Variants in GLIS3 observed in about 807,000 individuals in gnomAD.
GLIS3 encodes GLIS family zinc finger 3, also known as zinc finger protein GLIS3.
In GLIS3, 53 loss-of-function variants were observed where a neutral mutation model predicts 78.6. The observed-to-expected ratio is 0.67, with a 90% confidence interval of 0.54 to 0.85. The LOEUF (loss-of-function observed/expected upper bound fraction) is 0.85. GLIS3 is among the 40% of genes least tolerant of loss of function. GLIS3 has a pLI of 0.00. For synonymous variants in GLIS3, 684 were observed against 509.9 expected, an observed-to-expected ratio of 1.34 and a Z score of -4.60; for missense variants, 1,703 against 1,231.1, an observed-to-expected ratio of 1.38 and a Z score of -5.74.
chr9:4,039,684 T>C (rs1272281175), intron 4 of GLIS3, among the ~76,000 whole-genome samples: 1 of 152,190 alleles, frequency 6.6e-6, no homozygotes, highest in African/African-American at 2.4e-5. Flanking sequence ...CAGTGCTCTT[T>C]CCCACTGTAT....
chr9:4,489,872 C>G, the GLIS3 span, among the ~76,000 whole-genome samples: 1 of 152,200 alleles, frequency 6.6e-6, no homozygotes, highest in Non-Finnish European at 1.5e-5. Flanking sequence ...TCACCTCCAG[C>G]GACTCGAAGA....
chr9:4,209,263 A>G (rs1820164306), intron 2 of GLIS3, among the ~76,000 whole-genome samples: 1 of 152,002 alleles, frequency 6.6e-6, no homozygotes, highest in Non-Finnish European at 1.5e-5. Flanking sequence ...TGACCCATAC[A>G]CTGGTGCTCC....
intron 2 of GLIS3, among the ~76,000 whole-genome samples, chr9:4,147,865 T>A (rs1834352855): frequency 6.6e-6 from 1 of 152,190 alleles, no homozygotes; most frequent in Non-Finnish European, 1.5e-5. Context: ...TAGGGATGTG[T>A]CTGAAAATAG....
At chr9:3,903,851 A>AG (rs1028673998) in intron 6 of GLIS3, among the ~76,000 whole-genome samples, 1 of 152,152 alleles carries the variant, frequency 6.6e-6, no homozygotes, top group African/African-American at 2.4e-5. Context: ...GAAAGACTTG[A>AG]GGAGTTGGAG....
chr9:4,168,881 TAA>T (rs1184374074), intron 2 of GLIS3, among the ~76,000 whole-genome samples: 1 of 152,226 alleles, frequency 6.6e-6, no homozygotes, highest in Admixed American at 6.5e-5. Context: ...TCAATCTGTT[TAA>T]TCTAGATTCT....
Position 4,125,825 on chromosome 9 carries a change from T to C in GLIS3, c.505A>G (p.Ser169Gly), listed in dbSNP as rs748419604. The C allele has an allele frequency of 1.2e-6, 2 of 1,614,118 alleles. No individual in the cohort carries two copies. The highest frequency in any genetic ancestry group is 4.5e-5 in the East Asian group (2 of 44,872). The change falls in exon 3 of 11, where the codon AGC becomes GGC. Residue 169 changes from serine (S) to glycine (G), a missense_variant. Coordinates refer to ENST00000381971, the MANE Select transcript of GLIS3 (RefSeq NM_001042413.2). The part of the protein sequence containing the change: ...QRLGLISPPA[S>G]QVSTACNQIS... ...TGGTTGCATGCTGTAGAGACCTGGC[T>C]TGCTGGAGGTGAAATGAGTCCCAGT...
chr9:4,429,324 A>G, the GLIS3 span, among the ~76,000 whole-genome samples: 1 of 149,410 alleles, frequency 6.7e-6, no homozygotes, highest in Admixed American at 6.6e-5. Context: ...TCATGCCCCC[A>G]ACTCTCCCTT....
At chr9:4,285,802 G>C in intron 2 of GLIS3, 1 of 560,686 alleles carries the variant, frequency 1.8e-6, no homozygotes, top group South Asian at 2.2e-5. Context: ...CTATCTTACT[G>C]TTACTCTGTT....
intron 2 of GLIS3, among the ~76,000 whole-genome samples, chr9:4,222,037 G>C (rs1821371991): frequency 6.6e-6 from 1 of 152,190 alleles, no homozygotes; most frequent in African/African-American, 2.4e-5. Flanking sequence ...TTGAGTTGAA[G>C]TTTAGCCACA....
intron 4 of GLIS3, among the ~76,000 whole-genome samples, chr9:4,094,036 C>G (rs1280890320): frequency 6.6e-6 from 1 of 152,114 alleles, no homozygotes; most frequent in Admixed American, 6.6e-5. Flanking sequence ...CTGCAAATAT[C>G]TGAACTCTGG....
chr9:4,355,054 C>A, the GLIS3 span, among the ~76,000 whole-genome samples: 3 of 151,464 alleles, frequency 2.0e-5, no homozygotes, highest in African/African-American at 7.3e-5. Context: ...AGGCTTGAAC[C>A]CGGGAGGCGG....
chr9:4,320,834 G>A (rs1203128867), intron 2 of GLIS3, among the ~76,000 whole-genome samples: 3 of 152,062 alleles, frequency 2.0e-5, no homozygotes, highest in African/African-American at 4.8e-5. Context: ...CTTCCTAAGC[G>A]GTCCATCCAT....
the GLIS3 span, among the ~76,000 whole-genome samples, chr9:4,466,829 G>C: frequency 6.1e-3 from 931 of 152,322 alleles, 12 homozygotes; most frequent in African/African-American, 0.021. Context: ...AAGCAGTGCA[G>C]GGCATCGCCT....
At chr9:4,398,782 A>G in the GLIS3 span, among the ~76,000 whole-genome samples, 5 of 152,084 alleles carry the variant, frequency 3.3e-5, no homozygotes, top group Non-Finnish European at 7.4e-5. Context: ...CTGCCTCCCC[A>G]TTCAAGCAAT....
At chr9:4,288,383 A>G (rs1424158304) in intron 1 of GLIS3, among the ~76,000 whole-genome samples, 1 of 152,212 alleles carries the variant, frequency 6.6e-6, no homozygotes, top group Non-Finnish European at 1.5e-5. Flanking sequence ...TAAAATAAAG[A>G]ATTGTTCAAC....
upstream of GLIS3, among the ~76,000 whole-genome samples, chr9:4,303,909 C>G (rs1302612353): frequency 6.6e-6 from 1 of 152,256 alleles, no homozygotes; most frequent in Non-Finnish European, 1.5e-5. Context: ...AACATCTATA[C>G]TGGCCAACTA....
intron 4 of GLIS3, among the ~76,000 whole-genome samples, chr9:4,307,728 A>AG (rs1222383896): frequency 6.6e-6 from 1 of 152,194 alleles, no homozygotes; most frequent in African/African-American, 2.4e-5. Flanking sequence ...GCAGAAGCAT[A>AG]GAGAAACTAT....
intron 1 of GLIS3, among the ~76,000 whole-genome samples, chr9:4,288,588 A>C (rs909262261): frequency 6.6e-6 from 1 of 152,226 alleles, no homozygotes; most frequent in African/African-American, 2.4e-5. Flanking sequence ...GATCATTAAA[A>C]AGGTGAGTTT....
In GLIS3 at chr9:3,827,560, G is replaced by A. The variant is rs912257; in HGVS notation, c.*712C>T. On this transcript the variant is annotated 3_prime_UTR_variant, in exon 11 of 11. Transcript: ENST00000381971. ...CAGCTGTGCAAAATGTCTATAGCTG[G>A]GGTGATTACAATAATAATGATTTCC... The A allele has an allele frequency of 0.95, 146,021 of 153,036 alleles. 70,101 individuals carry two copies. Among genetic ancestry groups the A allele is most frequent in the Middle Eastern group, 1 (294 of 294 alleles). 9.5% of individuals were successfully genotyped at this position (153,036 alleles called of 1,614,324 possible).
Sources: allele counts gnomAD v4.1 joint callset (sites outside exome capture counted in the v4.1 genomes callset), GRCh38; gene constraint gnomAD v4.1.1; transcripts MANE v1.5; gene names NCBI Gene and HGNC (gene_info 2026-07-23, HGNC 2026-07-21).